ETS1: variants seen among roughly 807,000 people sequenced by gnomAD.
ETS1 encodes the protein ETS proto-oncogene 1, transcription factor.
ETS1 carries 15 observed loss-of-function variants against 58.6 expected under a neutral mutation model. That is an observed-to-expected ratio of 0.26 (90% confidence interval 0.17 to 0.39). ETS1 has a LOEUF of 0.39. Ranked by LOEUF, ETS1 falls within the 10% of genes least tolerant of loss-of-function variation. The pLI is 1.00. For missense variants in ETS1, 417 were observed against 610.5 expected (o/e 0.68, Z 3.34); for synonymous variants, 214 against 218.2 (o/e 0.98, Z 0.17).
At chr11:128,586,399 C>G (rs1437302228) in intron 1 of ETS1, among the ~76,000 whole-genome samples, 3 of 150,440 alleles carry the variant, frequency 2.0e-5, no homozygotes, top group Non-Finnish European at 4.4e-5. Context: ...CCCTTGTGCA[C>G]AGCCCACGGC....
At chr11:128,518,499 T>C (rs188970794) in intron 3 of ETS1, among the ~76,000 whole-genome samples, 2 of 152,324 alleles carry the variant, frequency 1.3e-5, no homozygotes, top group African/African-American at 2.4e-5. Flanking sequence ...AGTAGAATGA[T>C]TGTACTCATT....
chr11:128,529,046 A>G (rs1389040030), intron 3 of ETS1: 1 of 152,208 alleles, frequency 6.6e-6, no homozygotes, highest in Non-Finnish European at 1.5e-5. Flanking sequence ...GAATTTCCGA[A>G]CTTCGAGTTG....
intron 3 of ETS1, among the ~76,000 whole-genome samples, chr11:128,545,025 G>C (rs544100420): frequency 2.0e-5 from 3 of 151,892 alleles, no homozygotes; most frequent in East Asian, 3.9e-4. Flanking sequence ...TTGGGGGTGG[G>C]GGGGGCAGTG....
intron 2 of ETS1, among the ~76,000 whole-genome samples, chr11:128,566,125 G>C (rs1424871556): frequency 6.6e-6 from 1 of 152,222 alleles, no homozygotes; most frequent in East Asian, 1.9e-4. Flanking sequence ...TGGCAAGGGA[G>C]CTGTTTCTCA....
At chr11:128,497,967 T>C (rs542059870) in intron 3 of ETS1, among the ~76,000 whole-genome samples, 6 of 149,594 alleles carry the variant, frequency 4.0e-5, no homozygotes, top group South Asian at 2.6e-4. Flanking sequence ...ACCCTAAACA[T>C]TGGGCAAATG....
intron 3 of ETS1, among the ~76,000 whole-genome samples, chr11:128,501,724 T>C (rs1863094555): frequency 6.6e-6 from 1 of 152,232 alleles, no homozygotes; most frequent in African/African-American, 2.4e-5. Context: ...CCGTTGGGTA[T>C]AGTTGCTCAA....
At chr11:128,468,236 A>C (rs4523710) in intron 8 of ETS1, among the ~76,000 whole-genome samples, 137,619 of 152,258 alleles carry the variant, frequency 0.9, 62,229 homozygotes, top group Admixed American at 0.93. Flanking sequence ...CAAGTAAATT[A>C]CTGCTCATTT....
chr11:128,558,320 C>T (rs558122223), intron 2 of ETS1, among the ~76,000 whole-genome samples: 35 of 152,268 alleles, frequency 2.3e-4, no homozygotes, highest in African/African-American at 8.4e-4. Context: ...GGGGAACCAT[C>T]AGCAAGAATA....
At chr11:128,523,845 C>A (rs1863748863) in intron 3 of ETS1, among the ~76,000 whole-genome samples, 1 of 152,066 alleles carries the variant, frequency 6.6e-6, no homozygotes, top group Non-Finnish European at 1.5e-5. Flanking sequence ...AAGAACAGAC[C>A]CTTCTGGTCC....
intron 2 of ETS1, among the ~76,000 whole-genome samples, chr11:128,560,827 TGGGACA>T (rs1864393918): frequency 1.3e-5 from 2 of 152,058 alleles, no homozygotes; most frequent in Admixed American, 1.3e-4. Flanking sequence ...CAGTGAGGGA[TGGGACA>T]GAATTAAGTA....
intron 8 of ETS1, among the ~76,000 whole-genome samples, chr11:128,467,185 C>T (rs536328941): frequency 1.3e-5 from 2 of 152,330 alleles, no homozygotes; most frequent in African/African-American, 4.8e-5. Context: ...TGGCTGGGCC[C>T]GTGGATGGTC....
At chr11:128,573,588 G>C (rs1477317414) in intron 1 of ETS1, among the ~76,000 whole-genome samples, 1 of 151,934 alleles carries the variant, frequency 6.6e-6, no homozygotes, top group African/African-American at 2.4e-5. Context: ...AAGGAAGGAT[G>C]GAAAAAGCTC....
intron 3 of ETS1, among the ~76,000 whole-genome samples, chr11:128,550,635 C>T (rs1488256679): frequency 1.3e-5 from 2 of 152,184 alleles, no homozygotes; most frequent in African/African-American, 4.8e-5. Flanking sequence ...CTGGGAGTAG[C>T]TTGTCAGGGC....
intron 3 of ETS1, among the ~76,000 whole-genome samples, chr11:128,493,371 G>A (rs950063885): frequency 3.3e-5 from 5 of 152,222 alleles, no homozygotes; most frequent in African/African-American, 7.2e-5. Context: ...TCAGGGGGCA[G>A]GCACTTCTGG....
chr11:128,507,978 C>T (rs571707134), intron 3 of ETS1, among the ~76,000 whole-genome samples: 2 of 152,340 alleles, frequency 1.3e-5, no homozygotes, highest in African/African-American at 2.4e-5. Flanking sequence ...TTCCAAAAAA[C>T]TGCCTTGTTG....
intron 1 of ETS1, among the ~76,000 whole-genome samples, chr11:128,584,195 C>T (rs1864929641): frequency 1.3e-5 from 2 of 152,164 alleles, no homozygotes; most frequent in African/African-American, 4.8e-5. Context: ...TCTTCAAAGT[C>T]AGTATCTTCA....
At chr11:128,577,980 C>T (rs966099510) in intron 1 of ETS1, among the ~76,000 whole-genome samples, 9 of 151,102 alleles carry the variant, frequency 6.0e-5, no homozygotes, top group African/African-American at 7.3e-5. Context: ...CCCTGGATGG[C>T]GAGGACAGAA....
At chr11:128,504,997 T>C (rs1318057038) in intron 3 of ETS1, 1 of 152,196 alleles carries the variant, frequency 6.6e-6, no homozygotes, top group Non-Finnish European at 1.5e-5. Flanking sequence ...ATACCAGGGA[T>C]ATTAAGCAAC....
At chr11:128,562,965 GAA>G (rs71916257) in intron 2 of ETS1, among the ~76,000 whole-genome samples, 7 of 107,448 alleles carry the variant, frequency 6.5e-5, no homozygotes, top group Admixed American at 2.6e-4. Context: ...CCCAAAAATT[GAA>G]AAAAAAAAAA....
Sources: gnomAD v4.1 joint callset for allele counts (sites outside exome capture counted in the v4.1 genomes callset) on GRCh38, gnomAD v4.1.1 for gene constraint, MANE v1.5 for transcripts, NCBI Gene and HGNC (gene_info 2026-07-23, HGNC 2026-07-21) for gene names.